Variants in CHODL observed in about 807,000 individuals in gnomAD.
CHODL encodes the protein transmembrane protein MT75.
Under a neutral mutation model 34.5 loss-of-function variants are expected in CHODL, and 29 were observed. The observed-to-expected ratio is 0.84, with a 90% confidence interval of 0.63 to 1.15. The LOEUF is 1.15. Ranked by LOEUF, CHODL falls within the 50% of genes most tolerant of loss-of-function variation. CHODL has a pLI of 0.00. For missense variants in CHODL, 332 were observed against 332.5 expected, an observed-to-expected ratio of 1.00 and a Z score of 0.01; for synonymous variants, 125 against 116.1, an observed-to-expected ratio of 1.08 and a Z score of -0.49.
At chr21:17,959,015 CAA>C (rs1329747838) in intron 1 of CHODL, among the ~76,000 whole-genome samples, 4 of 151,966 alleles carry the variant, frequency 2.6e-5, no homozygotes, top group Non-Finnish European at 5.9e-5. Flanking sequence ...CCTCTAAAGA[CAA>C]AACTACACAA....
intron 2 of CHODL, among the ~76,000 whole-genome samples, chr21:18,056,517 T>C (rs2824622): frequency 0.35 from 52,647 of 150,290 alleles, 10,909 homozygotes; most frequent in Non-Finnish European, 0.48. Flanking sequence ...CCCTAAGGTG[T>C]TATAATTCAA....
At chr21:17,984,097 C>T (rs968799439) in intron 1 of CHODL, among the ~76,000 whole-genome samples, 2 of 152,324 alleles carry the variant, frequency 1.3e-5, no homozygotes, top group African/African-American at 4.8e-5. Flanking sequence ...TCCCTCTCCA[C>T]AGCTCTTCTA....
At chr21:18,133,367 T>C (rs932554444) in intron 2 of CHODL, among the ~76,000 whole-genome samples, 1 of 152,298 alleles carries the variant, frequency 6.6e-6, no homozygotes, top group African/African-American at 2.4e-5. Context: ...TTGCTATACC[T>C]AATAGAAAAT....
intron 2 of CHODL, among the ~76,000 whole-genome samples, chr21:18,169,136 C>G (rs2073194531): frequency 1.3e-5 from 2 of 152,054 alleles, no homozygotes; most frequent in Non-Finnish European, 2.9e-5. Flanking sequence ...ACCAGTAGAA[C>G]CATCAAAGGC....
intron 2 of CHODL, among the ~76,000 whole-genome samples, chr21:18,150,930 A>C (rs1264361729): frequency 6.6e-6 from 1 of 151,822 alleles, no homozygotes; most frequent in Non-Finnish European, 1.5e-5. Flanking sequence ...CCAAAAATTC[A>C]AAAATTAGCT....
At chr21:18,092,790 A>T (rs2065089711) in intron 2 of CHODL, among the ~76,000 whole-genome samples, 1 of 152,226 alleles carries the variant, frequency 6.6e-6, no homozygotes, top group Non-Finnish European at 1.5e-5. Flanking sequence ...AAGAAAAAAG[A>T]ATACAAAACA....
intron 2 of CHODL, among the ~76,000 whole-genome samples, chr21:18,116,651 C>T (rs1453561122): frequency 6.6e-6 from 1 of 152,170 alleles, no homozygotes; most frequent in Non-Finnish European, 1.5e-5. Flanking sequence ...GAGTCTGAGA[C>T]TGAAGAGCAG....
At chr21:17,958,910 C>T (rs2063512282) in intron 1 of CHODL, among the ~76,000 whole-genome samples, 2 of 152,196 alleles carry the variant, frequency 1.3e-5, no homozygotes, top group South Asian at 4.1e-4. Flanking sequence ...TTGGGGGACT[C>T]AGCCTGATTT....
At chr21:17,930,106 G>A (rs922677353) in intron 1 of CHODL, among the ~76,000 whole-genome samples, 7 of 151,462 alleles carry the variant, frequency 4.6e-5, no homozygotes, top group Admixed American at 3.9e-4. Context: ...ACCACTGCCA[G>A]GCCAAGGAGG....
At chr21:18,201,849 G>C (rs1386629072) in intron 2 of CHODL, among the ~76,000 whole-genome samples, 1 of 138,460 alleles carries the variant, frequency 7.2e-6, no homozygotes, top group African/African-American at 2.8e-5. Context: ...CTGTCGCCCA[G>C]GCTGGAGTGC....
intron 2 of CHODL, among the ~76,000 whole-genome samples, chr21:18,149,699 A>G (rs979010157): frequency 5.3e-5 from 8 of 152,226 alleles, no homozygotes; most frequent in African/African-American, 1.9e-4. Flanking sequence ...TGTCTTGTAA[A>G]AGTTAATTTG....
intron 2 of CHODL, among the ~76,000 whole-genome samples, chr21:18,134,008 CATCT>C (rs983937036): frequency 7.2e-5 from 11 of 152,158 alleles, no homozygotes; most frequent in African/African-American, 2.4e-5. Flanking sequence ...ATCTCTCTAT[CATCT>C]ATCTATCTAG....
chr21:17,933,111 G>T (rs1250157871), intron 1 of CHODL, among the ~76,000 whole-genome samples: 1 of 152,156 alleles, frequency 6.6e-6, no homozygotes, highest in Non-Finnish European at 1.5e-5. Context: ...GCCCTAAGGT[G>T]GTTTTCCCCT....
intron 2 of CHODL, among the ~76,000 whole-genome samples, chr21:18,121,453 G>T (rs1219768843): frequency 6.6e-6 from 1 of 152,160 alleles, no homozygotes; most frequent in Non-Finnish European, 1.5e-5. Flanking sequence ...GAGCCAACTG[G>T]TCACTTGACA....
chr21:18,184,257 G>C (rs2073414888), intron 2 of CHODL, among the ~76,000 whole-genome samples: 1 of 152,108 alleles, frequency 6.6e-6, no homozygotes, highest in Non-Finnish European at 1.5e-5. Context: ...TTCAGTGTTT[G>C]AAAGTTTCTT....
chr21:17,991,786 T>G (rs1250266031), intron 1 of CHODL, among the ~76,000 whole-genome samples: 1 of 152,200 alleles, frequency 6.6e-6, no homozygotes, highest in African/African-American at 2.4e-5. Flanking sequence ...GTTGTCTCTT[T>G]ATGCTGTTGT....
intron 2 of CHODL, 36 bp from the exon 3 acceptor site, chr21:18,256,934 A>T: frequency 1.3e-6 from 2 of 1,599,668 alleles, no homozygotes; most frequent in Non-Finnish European, 1.7e-6. Context: ...TTTAGTAGGC[A>T]TGTATCTGAG....
intron 2 of CHODL, among the ~76,000 whole-genome samples, chr21:18,071,999 C>T (rs1045397988): frequency 1.3e-5 from 2 of 151,922 alleles, no homozygotes; most frequent in Non-Finnish European, 2.9e-5. Context: ...TTAAATAAAT[C>T]TTTTTTAAAT....
chr21:18,139,181 C>T (rs1371804477), intron 2 of CHODL, among the ~76,000 whole-genome samples: 1 of 151,746 alleles, frequency 6.6e-6, no homozygotes, highest in African/African-American at 2.4e-5. Context: ...TACATAAGCA[C>T]AGTTGAATCT....
Sources: allele counts gnomAD v4.1 joint callset (sites outside exome capture counted in the v4.1 genomes callset), GRCh38; gene constraint gnomAD v4.1.1; transcripts MANE v1.5; gene names NCBI Gene and HGNC (gene_info 2026-07-23, HGNC 2026-07-21).